The following STK3 variants were observed in gnomAD, a reference collection of about 807,000 sequenced individuals.
STK3 encodes serine/threonine kinase 3, also known as serine/threonine-protein kinase 3.
A neutral mutation model predicts 58.0 loss-of-function variants in STK3; 41 were observed. That is an observed-to-expected ratio of 0.71 (90% CI 0.55 to 0.92). STK3 has a LOEUF of 0.92. Among genes scored for constraint, STK3 ranks in the 40% least tolerant of loss-of-function variants. STK3 has a pLI of 0.00. For missense variants in STK3, 479 were observed against 602.7 expected (o/e 0.79, Z 2.15); for synonymous variants, 170 against 191.0 (o/e 0.89, Z 0.91).
intron 4 of STK3, among the ~76,000 whole-genome samples, chr8:98,744,672 T>G (rs927459229): frequency 6.6e-6 from 1 of 151,634 alleles, no homozygotes. Context: ...GCATGGCACA[T>G]GTATACATAT....
intron 10 of STK3, among the ~76,000 whole-genome samples, chr8:98,460,671 G>C (rs1260120319): frequency 6.6e-6 from 1 of 152,072 alleles, no homozygotes; most frequent in Admixed American, 6.6e-5. Context: ...TGGATCATGG[G>C]GGCAGTTTCC....
intron 1 of STK3, among the ~76,000 whole-genome samples, chr8:98,444,454 G>A (rs1818847657): frequency 6.6e-6 from 1 of 152,178 alleles, no homozygotes; most frequent in Non-Finnish European, 1.5e-5. Flanking sequence ...GAACAAGCCT[G>A]GCACAGAGCC....
chr8:98,743,272 G>A (rs376760151), intron 4 of STK3, among the ~76,000 whole-genome samples: 27 of 147,616 alleles, frequency 1.8e-4, no homozygotes, highest in East Asian at 3.9e-4. Flanking sequence ...AGCCCGCATC[G>A]CCAAGTCAAT....
intron 10 of STK3, among the ~76,000 whole-genome samples, chr8:98,514,555 A>C (rs1423390354): frequency 2.0e-5 from 3 of 151,730 alleles, no homozygotes; most frequent in Admixed American, 6.6e-5. Flanking sequence ...AAAAAAAAAA[A>C]CAGTGAAATC....
At chr8:98,817,251 C>T (rs138185223) in intron 1 of STK3, among the ~76,000 whole-genome samples, 3,220 of 152,094 alleles carry the variant, frequency 0.021, 135 homozygotes, top group African/African-American at 0.073. Flanking sequence ...GTCAGTAGTT[C>T]GAGACCAGAC....
chr8:98,905,717 C>A, intron 1 of STK3: 1 of 602,378 alleles, frequency 1.7e-6, no homozygotes, highest in Non-Finnish European at 3.1e-6. Context: ...GCTCCTGCGT[C>A]AGAGAGAACC....
At chr8:98,795,095 AAAAAAAAAATATATATAT>A (rs1179135417) in intron 1 of STK3, among the ~76,000 whole-genome samples, 8 of 65,884 alleles carry the variant, frequency 1.2e-4, no homozygotes, top group African/African-American at 5.2e-4. Context: ...AAAAAAAAAA[AAAAAAAAAATATATATAT>A]ATATATATAT....
chr8:98,385,894 T>C (rs56163316), intron 1 of STK3, among the ~76,000 whole-genome samples: 11,489 of 152,266 alleles, frequency 0.075, 1,061 homozygotes, highest in African/African-American at 0.18. Flanking sequence ...ATTAATCTTC[T>C]TCCAGTGCCA....
At chr8:98,796,017 T>C (rs1833147385) in intron 1 of STK3, among the ~76,000 whole-genome samples, 1 of 152,006 alleles carries the variant, frequency 6.6e-6, no homozygotes, top group Non-Finnish European at 1.5e-5. Context: ...TAAAAAACAT[T>C]TCATGTTCAT....
intron 1 of STK3, among the ~76,000 whole-genome samples, chr8:98,793,654 A>G (rs939776957): frequency 6.6e-6 from 1 of 152,192 alleles, no homozygotes; most frequent in Non-Finnish European, 1.5e-5. Context: ...AAAACTAACA[A>G]AGAAATTCTG....
At chr8:98,937,944 T>C (rs1451531173) in intron 1 of STK3, among the ~76,000 whole-genome samples, 3 of 152,226 alleles carry the variant, frequency 2.0e-5, no homozygotes, top group African/African-American at 7.2e-5. Context: ...TCACTGGTAG[T>C]AAAGAGATTA....
At chr8:98,861,853 A>T (rs1836949811) in intron 3 of STK3, among the ~76,000 whole-genome samples, 1 of 152,202 alleles carries the variant, frequency 6.6e-6, no homozygotes, top group African/African-American at 2.4e-5. Flanking sequence ...AACCAGGTAC[A>T]CTGTTCATGG....
At chr8:98,839,062 T>C (rs1369983426) in intron 3 of STK3, among the ~76,000 whole-genome samples, 2 of 150,702 alleles carry the variant, frequency 1.3e-5, no homozygotes, top group Admixed American at 1.3e-4. Flanking sequence ...GGGGGGGCGG[T>C]TTGAGACAAG....
chr8:98,378,648 C>A (rs528241349), intron 2 of STK3, among the ~76,000 whole-genome samples: 1 of 152,316 alleles, frequency 6.6e-6, no homozygotes, highest in Admixed American at 6.5e-5. Context: ...TTTTTATCAA[C>A]CTCCTCTCCG....
chr8:98,583,837 G>T (rs1419824036), intron 7 of STK3, among the ~76,000 whole-genome samples: 1 of 149,614 alleles, frequency 6.7e-6, no homozygotes, highest in South Asian at 2.3e-4. Flanking sequence ...GGGTAAGAGA[G>T]AGAGTGTATG....
At chr8:98,442,126 T>C (rs1818718582) in intron 1 of STK3, among the ~76,000 whole-genome samples, 1 of 152,222 alleles carries the variant, frequency 6.6e-6, no homozygotes, top group Non-Finnish European at 1.5e-5. Flanking sequence ...ACAAATTCAT[T>C]TAGTGAACCA....
intron 3 of STK3, among the ~76,000 whole-genome samples, chr8:98,752,524 C>T (rs889357070): frequency 6.6e-6 from 1 of 151,964 alleles, no homozygotes; most frequent in Non-Finnish European, 1.5e-5. Flanking sequence ...CTAGGCAATA[C>T]CATCCAGGAC....
At chr8:98,568,378 T>A (rs1313462659) in intron 8 of STK3, among the ~76,000 whole-genome samples, 13 of 152,296 alleles carry the variant, frequency 8.5e-5, no homozygotes, top group African/African-American at 3.1e-4. Flanking sequence ...CAGATAAATA[T>A]GTAAGCAGCT....
intron 6 of STK3, among the ~76,000 whole-genome samples, chr8:98,646,830 T>G (rs1294513215): frequency 6.6e-6 from 1 of 152,218 alleles, no homozygotes; most frequent in Non-Finnish European, 1.5e-5. Flanking sequence ...CCACCTCCAC[T>G]GTTACCAACC....
Sources: gnomAD v4.1 joint callset for allele counts (sites outside exome capture counted in the v4.1 genomes callset) on GRCh38, gnomAD v4.1.1 for gene constraint, MANE v1.5 for transcripts, NCBI Gene and HGNC (gene_info 2026-07-23, HGNC 2026-07-21) for gene names.